SEPTIN6: variants seen among roughly 807,000 people sequenced by gnomAD.
The protein encoded by SEPTIN6 is septin 6.
SEPTIN6 carries 8 observed loss-of-function variants against 33.6 expected under a neutral mutation model. That is an observed-to-expected ratio of 0.24 (90% CI 0.14 to 0.43). The LOEUF is 0.43. Among genes scored for constraint, SEPTIN6 ranks in the 20% least tolerant of loss-of-function variants. The pLI is 1.00. For missense variants in SEPTIN6, 250 were observed against 340.8 expected (o/e 0.73, Z 2.10); for synonymous variants, 131 against 140.0 (o/e 0.94, Z 0.45).
intron 6 of SEPTIN6, among the ~76,000 whole-genome samples, chrX:119,640,145 C>A: frequency 1.1e-5 from 1 of 94,696 alleles, no homozygotes; most frequent in Middle Eastern, 5.2e-3. Flanking sequence ...CCTTATCCCC[C>A]TCCCACCCTC....
intron 2 of SEPTIN6, among the ~76,000 whole-genome samples, chrX:119,671,324 G>A (rs912321318): frequency 1.9e-5 from 2 of 103,878 alleles, no homozygotes; most frequent in Admixed American, 1.0e-4. Flanking sequence ...ATCTCACTCT[G>A]TCACCCAGGC....
chrX:119,667,009 T>C (rs1213321333), intron 2 of SEPTIN6, among the ~76,000 whole-genome samples: 4 of 111,186 alleles, frequency 3.6e-5, no homozygotes, highest in African/African-American at 1.3e-4. Context: ...CATCTTCCTA[T>C]GTGCCTGATG....
At chrX:119,628,536 C>T (rs1397080841) in intron 9 of SEPTIN6, among the ~76,000 whole-genome samples, 3 of 99,686 alleles carry the variant, frequency 3.0e-5, no homozygotes, top group Admixed American at 1.1e-4. Context: ...GACGGAGTCT[C>T]GCTCTGTCGC....
chrX:119,621,450 T>C (rs1366594217), intron 10 of SEPTIN6, among the ~76,000 whole-genome samples: 1 of 72,649 alleles, frequency 1.4e-5, no homozygotes, highest in African/African-American at 5.0e-5. Flanking sequence ...AGAGCTGGTG[T>C]GTGTGTGTGT....
At chrX:119,629,970 A>C (rs1319995034) in intron 8 of SEPTIN6, among the ~76,000 whole-genome samples, 1 of 110,917 alleles carries the variant, frequency 9.0e-6, no homozygotes, top group Non-Finnish European at 1.9e-5. Context: ...AAATACAAAA[A>C]TTAGCCAGGC....
At chrX:119,626,796 C>T (rs968421949) in intron 9 of SEPTIN6, among the ~76,000 whole-genome samples, 20 of 110,539 alleles carry the variant, frequency 1.8e-4, no homozygotes, top group Admixed American at 1.4e-3. Flanking sequence ...AAGTGATTCT[C>T]CTGCCTTAGC....
chrX:119,675,761 T>TCA, intron 1 of SEPTIN6, 93 bp from the exon 2 acceptor site: 1 of 456,199 alleles, frequency 2.2e-6, no homozygotes, highest in South Asian at 6.7e-5. Context: ...TGCAAGGAAG[T>TCA]CACACCCGCC....
intron 10 of SEPTIN6, chrX:119,624,176 T>C: frequency 3.9e-6 from 1 of 255,493 alleles, no homozygotes; most frequent in Admixed American, 4.7e-5. Context: ...TTTGTTTGTT[T>C]GTTTGTTTGT....
rs771811719 is a variant in SEPTIN6 at position 119,653,016 on chromosome X, G to A, written c.366C>T (p.Ile122=). Residue 122 remains isoleucine (I), a synonymous_variant, in exon 4 of 11, where the codon ATC becomes ATT. Transcript: ENST00000394610. ...GCAGGTAGGCCTCGAATTGTGCATC[G>A]ATGAATTCCACGATAGGCTTGTAGC... The part of the protein sequence containing the change: ...EDSYKPIVEF[I]DAQFEAYLQE... 48 of 1,207,418 alleles carry A rather than the reference G, an allele frequency of 4.0e-5. No homozygotes were observed. Among genetic ancestry groups the A allele is most frequent in the Non-Finnish European group, 4.9e-5 (44 of 893,782 alleles).
intron 1 of SEPTIN6, among the ~76,000 whole-genome samples, chrX:119,682,349 C>T (rs1272393210): frequency 9.0e-6 from 1 of 111,676 alleles, no homozygotes; most frequent in African/African-American, 3.3e-5. Context: ...AGAGTTCTCA[C>T]TCAGCTTTGC....
intron 10 of SEPTIN6, among the ~76,000 whole-genome samples, chrX:119,623,838 C>CA (rs1411181170): frequency 9.0e-6 from 1 of 110,506 alleles, no homozygotes; most frequent in Non-Finnish European, 1.9e-5. Context: ...GACTCCGTCT[C>CA]AAAAAAAGAA....
intron 10 of SEPTIN6, among the ~76,000 whole-genome samples, chrX:119,622,558 T>C (rs1042302021): frequency 8.9e-6 from 1 of 112,065 alleles, no homozygotes; most frequent in Non-Finnish European, 1.9e-5. Flanking sequence ...GGGTTGGGGT[T>C]GGCTGTTCCA....
At chrX:119,681,976 G>A (rs1021244336) in intron 1 of SEPTIN6, among the ~76,000 whole-genome samples, 1 of 111,142 alleles carries the variant, frequency 9.0e-6, no homozygotes, top group Non-Finnish European at 1.9e-5. Context: ...GGTCGAGGAT[G>A]TAGTGGGCCA....
At position 119,669,238 on chromosome X, in the gene SEPTIN6, T is replaced by C. The variant is rs766660026; in HGVS notation, c.146-5561A>G. ...GCTCTAGCGAGACGCATAGGCGTGA[T>C]ACGTTTGTTCATTCAGTCATTCAAC... On this transcript the variant is annotated intron_variant, in intron 2 of 10. Transcript: ENST00000394610. Among the ~76,000 whole-genome samples the C allele has an allele frequency of 1.1e-3, 123 of 113,276 alleles. 1 individual carries two copies. The highest frequency in any genetic ancestry group is 3.8e-3 in the African/African-American group (118 of 31,243).
chrX:119,655,919 C>T (rs2054434963), intron 3 of SEPTIN6, among the ~76,000 whole-genome samples: 1 of 111,964 alleles, frequency 8.9e-6, no homozygotes, highest in South Asian at 3.7e-4. Flanking sequence ...ATTTCATAAC[C>T]AATAGAAATC....
chrX:119,622,880 C>T (rs762966539), intron 10 of SEPTIN6, among the ~76,000 whole-genome samples: 7 of 112,516 alleles, frequency 6.2e-5, no homozygotes, highest in Non-Finnish European at 9.4e-5. Context: ...TAGGAACTGA[C>T]TGTCTTCCTA....
chrX:119,681,364 T>A (rs1190238168), intron 1 of SEPTIN6, among the ~76,000 whole-genome samples: 1 of 111,702 alleles, frequency 9.0e-6, no homozygotes, highest in Admixed American at 9.6e-5. Flanking sequence ...TGGCCCAGCA[T>A]GTCTGACAGT....
At chrX:119,690,338 TACATACACATACACACAC>T (rs1328898477) in intron 1 of SEPTIN6, among the ~76,000 whole-genome samples, 168 of 67,349 alleles carry the variant, frequency 2.5e-3, no homozygotes, top group African/African-American at 7.0e-3. Flanking sequence ...ACCCCCCACA[TACATACACATACACACAC>T]ACACACACAC....
chrX:119,635,982 A>G (rs981894404), intron 7 of SEPTIN6, among the ~76,000 whole-genome samples: 2 of 111,192 alleles, frequency 1.8e-5, no homozygotes, highest in African/African-American at 6.5e-5. Flanking sequence ...AAGGAGACAA[A>G]ATGACCAGGT....
Sources: allele counts gnomAD v4.1 joint callset (sites outside exome capture counted in the v4.1 genomes callset), GRCh38; gene constraint gnomAD v4.1.1; transcripts MANE v1.5; gene names NCBI Gene and HGNC (gene_info 2026-07-23, HGNC 2026-07-21).